The following ADGRL3 variants were observed in gnomAD, a reference collection of about 807,000 sequenced individuals.
ADGRL3 encodes the protein calcium-independent alpha-latrotoxin receptor 3.
A neutral mutation model predicts 153.5 loss-of-function variants in ADGRL3; 62 were observed. The ratio of observed to expected loss-of-function variants is 0.40; its 90% CI spans 0.33 to 0.50. The LOEUF is 0.50. Ranked by LOEUF, ADGRL3 falls within the 20% of genes least tolerant of loss-of-function variation. The pLI is 0.47. For synonymous variants in ADGRL3, 710 were observed against 672.5 expected, an observed-to-expected ratio of 1.06 and a Z score of -0.86; for missense variants, 1,641 against 1,859.4, an observed-to-expected ratio of 0.88 and a Z score of 2.16.
chr4:61,969,431 G>A (rs2099018758), intron 17 of ADGRL3, among the ~76,000 whole-genome samples: 1 of 151,806 alleles, frequency 6.6e-6, no homozygotes, highest in South Asian at 2.1e-4. Flanking sequence ...TCTATTTATT[G>A]TAGACTACTC....
intron 5 of ADGRL3, among the ~76,000 whole-genome samples, chr4:61,630,180 G>T (rs1234453700): frequency 1.3e-5 from 2 of 152,216 alleles, no homozygotes; most frequent in East Asian, 3.9e-4. Flanking sequence ...GAACTGAATT[G>T]ACCATTAAAT....
At chr4:61,432,267 A>T (rs142317260) in intron 2 of ADGRL3, among the ~76,000 whole-genome samples, 1 of 152,166 alleles carries the variant, frequency 6.6e-6, no homozygotes, top group African/African-American at 2.4e-5. Context: ...GGTTATGACT[A>T]TTCTCCTTTG....
chr4:61,634,539 T>C (rs2093333224), intron 5 of ADGRL3, among the ~76,000 whole-genome samples: 1 of 151,778 alleles, frequency 6.6e-6, no homozygotes, highest in Admixed American at 6.6e-5. Context: ...TTGTTAGCTA[T>C]GAAAAAAATA....
chr4:61,698,911 CTTAAA>C (rs777745025), intron 6 of ADGRL3, among the ~76,000 whole-genome samples: 1 of 152,188 alleles, frequency 6.6e-6, no homozygotes, highest in Non-Finnish European at 1.5e-5. Flanking sequence ...AGGGTTTTGA[CTTAAA>C]TTAGTTTATC....
chr4:62,020,441 C>T (rs2099232764), intron 21 of ADGRL3, among the ~76,000 whole-genome samples: 1 of 151,866 alleles, frequency 6.6e-6, no homozygotes, highest in Non-Finnish European at 1.5e-5. Context: ...TACTGGACCT[C>T]CAAAAGTGAA....
intron 8 of ADGRL3, among the ~76,000 whole-genome samples, chr4:61,794,143 T>C (rs1240233666): frequency 2.0e-5 from 3 of 152,200 alleles, no homozygotes; most frequent in African/African-American, 7.2e-5. Context: ...AGGTAGATCA[T>C]AGTTATTTTT....
chr4:61,589,045 G>A (rs977222886), intron 5 of ADGRL3, among the ~76,000 whole-genome samples: 2 of 151,944 alleles, frequency 1.3e-5, no homozygotes, highest in Non-Finnish European at 2.9e-5. Context: ...CCAAAAATAA[G>A]CCTTTAATCT....
rs1229787987 is a variant in ADGRL3 at position 61,372,115 on chromosome 4, C to G, written c.-239-11009C>G. Among the ~76,000 whole-genome samples the G allele has an allele frequency of 3.9e-5, 6 of 152,122 alleles. No individual in the cohort carries two copies. In the South Asian group the frequency reaches 8.3e-4, roughly 21 times the overall value. On this transcript the variant is annotated intron_variant, in intron 1 of 26. Transcript: ENST00000683033. ...TAAGCACTTCTCTGTATTGGTTATT[C>G]TAGTTATACATTCTTCTAAATTTTT...
intron 5 of ADGRL3, among the ~76,000 whole-genome samples, chr4:61,643,778 T>C (rs1479199166): frequency 6.9e-6 from 1 of 144,578 alleles, no homozygotes; most frequent in Admixed American, 7.0e-5. Flanking sequence ...TGCCCGGCTT[T>C]GGTATCAGGA....
intron 9 of ADGRL3, among the ~76,000 whole-genome samples, chr4:61,863,002 T>C (rs1487983984): frequency 6.6e-6 from 1 of 152,096 alleles, no homozygotes; most frequent in Non-Finnish European, 1.5e-5. Flanking sequence ...AACAGTGGTA[T>C]AGGTGAAAAA....
chr4:62,016,261 A>T (rs1360006562), intron 21 of ADGRL3, among the ~76,000 whole-genome samples: 1 of 151,900 alleles, frequency 6.6e-6, no homozygotes, highest in Non-Finnish European at 1.5e-5. Flanking sequence ...GTTGACCAGG[A>T]TGGTCTTCAT....
chr4:61,429,065 G>A (rs2097323819), intron 2 of ADGRL3, among the ~76,000 whole-genome samples: 2 of 152,078 alleles, frequency 1.3e-5, no homozygotes, highest in East Asian at 1.9e-4. Context: ...ACAAACCCAG[G>A]TATAATTTTA....
chr4:61,300,510 G>A (rs1217840290), intron 1 of ADGRL3, among the ~76,000 whole-genome samples: 4 of 152,284 alleles, frequency 2.6e-5, no homozygotes, highest in African/African-American at 9.6e-5. Flanking sequence ...ATACTTGAAA[G>A]TGAATGAGAG....
At chr4:61,432,898 C>T (rs1024446186) in intron 2 of ADGRL3, among the ~76,000 whole-genome samples, 3 of 151,822 alleles carry the variant, frequency 2.0e-5, no homozygotes, top group Non-Finnish European at 4.4e-5. Flanking sequence ...GTTGATCCGC[C>T]TGCCTCAACC....
intron 23 of ADGRL3, among the ~76,000 whole-genome samples, chr4:62,032,984 T>TA (rs1439297662): frequency 6.6e-6 from 1 of 151,596 alleles, no homozygotes; most frequent in Admixed American, 6.6e-5. Flanking sequence ...ACAGGATATT[T>TA]AAAAAAATAA....
chr4:61,994,554 A>G (rs150145534), intron 19 of ADGRL3, among the ~76,000 whole-genome samples: 4 of 152,034 alleles, frequency 2.6e-5, no homozygotes. Flanking sequence ...TAAACGTTAT[A>G]GCAAAGTAAA....
intron 5 of ADGRL3, among the ~76,000 whole-genome samples, chr4:61,595,599 T>C (rs1279223616): frequency 6.6e-6 from 1 of 152,152 alleles, no homozygotes; most frequent in Non-Finnish European, 1.5e-5. Flanking sequence ...GAGTAACTTT[T>C]GTTGCTACAA....
intron 9 of ADGRL3, 126 bp downstream of exon 9, chr4:61,814,015 G>A: frequency 8.6e-7 from 1 of 1,157,974 alleles, no homozygotes; most frequent in African/African-American, 1.6e-5. Context: ...TGAAGTATGT[G>A]AGTAATCTGG....
At chr4:61,203,936 G>A (rs564631795) in intron 1 of ADGRL3, among the ~76,000 whole-genome samples, 1 of 149,510 alleles carries the variant, frequency 6.7e-6, no homozygotes, top group Admixed American at 6.7e-5. Context: ...TGTAACCAAA[G>A]CAAGGGTAAA....
Sources: gnomAD v4.1 joint callset for allele counts (sites outside exome capture counted in the v4.1 genomes callset) on GRCh38, gnomAD v4.1.1 for gene constraint, MANE v1.5 for transcripts, NCBI Gene and HGNC (gene_info 2026-07-23, HGNC 2026-07-21) for gene names.